Variants in PPP2R2B observed in about 807,000 individuals in gnomAD.
PPP2R2B encodes the protein protein phosphatase 2 regulatory subunit Bbeta.
Under a neutral mutation model 46.0 loss-of-function variants are expected in PPP2R2B, and 5 were observed. The observed-to-expected ratio is 0.11, with a 90% confidence interval of 0.06 to 0.23. PPP2R2B has a LOEUF of 0.23. PPP2R2B is among the 10% of genes least tolerant of loss of function. The pLI, the probability that PPP2R2B is intolerant of heterozygous loss-of-function variation, is 1.00. For missense variants in PPP2R2B, 367 were observed against 575.0 expected (o/e 0.64, Z 3.70); for synonymous variants, 215 against 206.7 (o/e 1.04, Z -0.34).
At chr5:146,927,013 A>G (rs1763803167) in intron 1 of PPP2R2B, among the ~76,000 whole-genome samples, 1 of 152,090 alleles carries the variant, frequency 6.6e-6, no homozygotes, top group South Asian at 2.1e-4. Context: ...TTCAACATCT[A>G]CAGAGAAGCT....
chr5:146,629,651 A>G (rs543882391), intron 7 of PPP2R2B, among the ~76,000 whole-genome samples: 1 of 152,036 alleles, frequency 6.6e-6, no homozygotes, highest in East Asian at 1.9e-4. Flanking sequence ...TCTGGCCCAT[A>G]AAGCTCTCAA....
Position 147,027,634 on chromosome 5 carries a change from C to CAAAAA in PPP2R2B, c.79+28026_79+28030dup, listed in dbSNP as rs10636778. On this transcript the variant is annotated intron_variant, in intron 1 of 8. Transcript: ENST00000336640. ...CTGGCAACAAAGCGAGACTCGGTCTCAAAAAAAAAAAAAAAAATTTAGTGT... is the reference window on the plus strand; with the variant it reads ...CTGGCAACAAAGCGAGACTCGGTCTCAAAAAAAAAAAAAAAAAAAAAATTTAGTGT... Among the ~76,000 whole-genome samples, 6 of 125,246 alleles carry CAAAAA rather than the reference C, an allele frequency of 4.8e-5. No individual in the cohort carries two copies. In the South Asian group the frequency reaches 8.3e-4, roughly 17 times the overall value. The allele number at this position is 125,246 out of a possible 152,430, so 82.2% of individuals were successfully genotyped here.
chr5:146,868,997 A>G (rs553480641), intron 2 of PPP2R2B, among the ~76,000 whole-genome samples: 1 of 152,362 alleles, frequency 6.6e-6, no homozygotes, highest in African/African-American at 2.4e-5. Context: ...ACTGGATTAC[A>G]TGAGAAAAAT....
chr5:146,734,535 GTT>G (rs1752424982), intron 2 of PPP2R2B, among the ~76,000 whole-genome samples: 1 of 152,100 alleles, frequency 6.6e-6, no homozygotes, highest in African/African-American at 2.4e-5. Context: ...TTCCAGGATT[GTT>G]TGATTTCAAA....
intron 2 of PPP2R2B, among the ~76,000 whole-genome samples, chr5:146,800,890 A>G (rs569413472): frequency 1.3e-5 from 2 of 152,016 alleles, no homozygotes; most frequent in East Asian, 3.9e-4. Context: ...AGATGAATGG[A>G]TGAAGAAAAT....
intron 2 of PPP2R2B, among the ~76,000 whole-genome samples, chr5:146,749,311 G>T (rs904301116): frequency 6.6e-6 from 1 of 152,104 alleles, no homozygotes; most frequent in Admixed American, 6.5e-5. Flanking sequence ...CCGACATGTG[G>T]TTTTCAAATA....
At chr5:146,621,713 C>A (rs75377541) in intron 7 of PPP2R2B, among the ~76,000 whole-genome samples, 173 of 152,314 alleles carry the variant, frequency 1.1e-3, no homozygotes, top group Non-Finnish European at 1.9e-3. Context: ...GCCATTAACA[C>A]GTGGGCTATC....
intron 1 of PPP2R2B, among the ~76,000 whole-genome samples, chr5:147,031,234 CA>C (rs545505988): frequency 1.1e-3 from 150 of 140,948 alleles, no homozygotes; most frequent in African/African-American, 2.0e-3. Context: ...GACTCCACCT[CA>C]AAAAAAAAAA....
Position 146,928,710 on chromosome 5 carries a change from T to G in PPP2R2B, c.79+126955A>C, listed in dbSNP as rs554444611. On this transcript the variant is annotated intron_variant, in intron 1 of 8. Transcript: ENST00000336640. ...GAGTGATCCTTAAACCCTGGTATAC[T>G]ATACTCAGCATCGTAGCCAGAAAGA... Among the ~76,000 whole-genome samples the G allele has an allele frequency of 8.5e-5, 13 of 152,308 alleles. 1 individual carries two copies. In the South Asian group the frequency reaches 2.7e-3, roughly 32 times the overall value.
exon 1 of PPP2R2B, chr5:147,055,875 G>A (rs1757065552): frequency 6.9e-7 from 1 of 1,459,040 alleles, no homozygotes; most frequent in Non-Finnish European, 9.0e-7. Context: ...CAAAGCTGGG[G>A]TGCCCGAGGA....
chr5:147,081,293 TC>T, exon 1 of PPP2R2B: 5 of 1,535,478 alleles, frequency 3.3e-6, no homozygotes, highest in Non-Finnish European at 4.4e-6. Context: ...CCCTAGTGAG[TC>T]CTGAGAGGAC....
intron 2 of PPP2R2B, among the ~76,000 whole-genome samples, chr5:146,821,347 C>A (rs543045433): frequency 2.7e-4 from 41 of 152,284 alleles, no homozygotes; most frequent in African/African-American, 9.4e-4. Flanking sequence ...CACTGTCATA[C>A]CACCCATTAA....
intron 1 of PPP2R2B, among the ~76,000 whole-genome samples, chr5:147,008,941 C>T (rs17105820): frequency 0.037 from 5,557 of 152,196 alleles, 357 homozygotes; most frequent in African/African-American, 0.13. Flanking sequence ...ATATTCACAT[C>T]GTCCTTAGAT....
At chr5:147,008,892 G>T (rs1373508361) in intron 1 of PPP2R2B, among the ~76,000 whole-genome samples, 1 of 152,122 alleles carries the variant, frequency 6.6e-6, no homozygotes, top group Admixed American at 6.6e-5. Context: ...TGATCATTCT[G>T]CTACTCAGTT....
At chr5:146,643,616 T>A (rs972410934) in intron 6 of PPP2R2B, among the ~76,000 whole-genome samples, 1 of 152,106 alleles carries the variant, frequency 6.6e-6, no homozygotes, top group Admixed American at 6.5e-5. Flanking sequence ...AGGTGAGGGA[T>A]AAAAGACTAC....
At chr5:146,942,802 G>GT (rs879508942) in intron 1 of PPP2R2B, among the ~76,000 whole-genome samples, 2,801 of 145,020 alleles carry the variant, frequency 0.019, 67 homozygotes, top group African/African-American at 0.057. Flanking sequence ...TGAATCCATA[G>GT]TTTTTTTTTT....
intron 2 of PPP2R2B, among the ~76,000 whole-genome samples, chr5:146,728,222 G>A (rs1752002944): frequency 7.3e-6 from 1 of 136,502 alleles, no homozygotes; most frequent in East Asian, 2.4e-4. Context: ...AGATACCAAT[G>A]TAGCAAATGT....
chr5:146,820,832 A>G (rs1039592620), intron 2 of PPP2R2B, among the ~76,000 whole-genome samples: 4 of 152,194 alleles, frequency 2.6e-5, no homozygotes, highest in Admixed American at 1.3e-4. Flanking sequence ...ACCTAGAGAC[A>G]CAGGATTCAT....
intron 2 of PPP2R2B, among the ~76,000 whole-genome samples, chr5:147,077,961 A>G (rs1757839526): frequency 6.6e-6 from 1 of 152,248 alleles, no homozygotes; most frequent in Non-Finnish European, 1.5e-5. Flanking sequence ...ATTCTAGACT[A>G]CTAAGTCAGA....
Sources: allele counts gnomAD v4.1 joint callset (sites outside exome capture counted in the v4.1 genomes callset), GRCh38; gene constraint gnomAD v4.1.1; transcripts MANE v1.5; gene names NCBI Gene and HGNC (gene_info 2026-07-23, HGNC 2026-07-21).